Variants in ERC2 observed in about 807,000 individuals in gnomAD.
ERC2 encodes ERC protein 2.
Under a neutral mutation model 114.8 loss-of-function variants are expected in ERC2, and 42 were observed. The observed-to-expected ratio is 0.37, with a 90% CI of 0.29 to 0.47. The LOEUF (loss-of-function observed/expected upper bound fraction) is 0.47, where lower values mean the gene tolerates loss of function less well. Among genes scored for constraint, ERC2 ranks in the 20% least tolerant of loss-of-function variants. The pLI, the probability that ERC2 is intolerant of heterozygous loss-of-function variation, is 0.99. For synonymous variants in ERC2, 454 were observed against 425.5 expected (o/e 1.07, Z -0.82); for missense variants, 939 against 1,150.7 (o/e 0.82, Z 2.66).
At chr3:55,966,435 C>G (rs1311939360) in intron 12 of ERC2, among the ~76,000 whole-genome samples, 2 of 152,200 alleles carry the variant, frequency 1.3e-5, no homozygotes, top group Non-Finnish European at 2.9e-5. Context: ...CCACTAGGAT[C>G]TCCAACTCAG....
Position 56,434,675 on chromosome 3 carries a change from G to A in ERC2, c.333C>T (p.His111=), listed in dbSNP as rs751175699. The A allele has an allele frequency of 1.2e-6, 2 of 1,613,994 alleles. No homozygotes were observed. Among genetic ancestry groups the A allele is most frequent in the South Asian group, 2.2e-5 (2 of 91,088 alleles). ...GATCTGTGTATGAAAGGACATCTGT[G>A]TGGGAAAGTCCAGCAGAAGCAATAT... ...SPNIASAGLS[H]TDVLSYTDQH... The change falls in exon 2 of 18, where the codon CAC becomes CAT. Residue 111 remains histidine (H), a synonymous_variant. Transcript: ENST00000288221.
chr3:56,170,613 T>TTTTTAGGTAGTGTC (rs2082606749), intron 4 of ERC2, among the ~76,000 whole-genome samples: 1 of 149,488 alleles, frequency 6.7e-6, no homozygotes, highest in African/African-American at 2.5e-5. Flanking sequence ...TTTTTTTTTT[T>TTTTTAGGTAGTGTC]TGAGGTAGTG....
chr3:56,274,328 A>G (rs1389339259), intron 3 of ERC2, among the ~76,000 whole-genome samples: 1 of 152,136 alleles, frequency 6.6e-6, no homozygotes, highest in African/African-American at 2.4e-5. Context: ...TTGTGGAAAA[A>G]TTGTCCTCCA....
chr3:56,007,625 T>C (rs1387938888), intron 9 of ERC2, among the ~76,000 whole-genome samples: 1 of 152,064 alleles, frequency 6.6e-6, no homozygotes, highest in Non-Finnish European at 1.5e-5. Flanking sequence ...TTACATGTCA[T>C]AGCAAAACAG....
intron 2 of ERC2, among the ~76,000 whole-genome samples, chr3:56,414,471 C>CCCGCA (rs1478394973): frequency 1.3e-5 from 2 of 152,038 alleles, no homozygotes; most frequent in African/African-American, 4.8e-5. Flanking sequence ...ACCTGTAATC[C>CCCGCA]CCGCACTTTG....
At chr3:56,094,556 A>G (rs983384226) in intron 6 of ERC2, among the ~76,000 whole-genome samples, 3 of 152,190 alleles carry the variant, frequency 2.0e-5, no homozygotes, top group Non-Finnish European at 2.9e-5. Context: ...ATCTTTTGAT[A>G]AAAAAATAAA....
intron 14 of ERC2, among the ~76,000 whole-genome samples, chr3:55,798,675 C>G (rs545932864): frequency 6.6e-6 from 1 of 151,206 alleles, no homozygotes; most frequent in Non-Finnish European, 1.5e-5. Flanking sequence ...AAGTTTTCCA[C>G]AGCAACAGTG....
intron 3 of ERC2, among the ~76,000 whole-genome samples, chr3:56,215,228 G>A (rs182749189): frequency 4.7e-4 from 71 of 152,210 alleles, no homozygotes; most frequent in Non-Finnish European, 7.8e-4. Context: ...ACCCATCAGC[G>A]TGCTGTATTC....
chr3:56,273,814 T>C (rs2053818487), intron 3 of ERC2, among the ~76,000 whole-genome samples: 1 of 152,156 alleles, frequency 6.6e-6, no homozygotes, highest in African/African-American at 2.4e-5. Context: ...TGTACTGATT[T>C]TGTTAGATAA....
At chr3:55,891,710 G>T (rs2149326320) in intron 13 of ERC2, among the ~76,000 whole-genome samples, 1 of 152,204 alleles carries the variant, frequency 6.6e-6, no homozygotes, top group East Asian at 1.9e-4. Context: ...CTCCCAAAGT[G>T]CTGGGATTAC....
chr3:56,155,274 T>G (rs370881981), intron 4 of ERC2, among the ~76,000 whole-genome samples: 22 of 151,186 alleles, frequency 1.5e-4, no homozygotes, highest in African/African-American at 4.9e-4. Flanking sequence ...AACTTTTAAC[T>G]CTAGGAAGGC....
intron 17 of ERC2, among the ~76,000 whole-genome samples, chr3:55,597,517 G>A (rs953143198): frequency 1.2e-4 from 18 of 151,824 alleles, no homozygotes; most frequent in Admixed American, 1.2e-3. Flanking sequence ...TCTGAGGCTT[G>A]TCTTGGTGTT....
chr3:56,292,423 CA>C (rs796877268), intron 3 of ERC2, among the ~76,000 whole-genome samples: 11,275 of 77,018 alleles, frequency 0.15, 937 homozygotes, highest in African/African-American at 0.32. Flanking sequence ...ACCAAAAATA[CA>C]AAAAAAAAAA....
Position 55,945,714 on chromosome 3 carries a change from T to A in ERC2, c.2403+4711A>T, listed in dbSNP as rs185369075. On this transcript the variant is annotated intron_variant, in intron 13 of 17. Transcript: ENST00000288221. Reference sequence around the variant, plus strand: ...AAATTGCCTTTCTAGCTTTTTTTTTTAGAATTCTATTAAAAGGACAAGAAT... The same window carrying A: ...AAATTGCCTTTCTAGCTTTTTTTTTAAGAATTCTATTAAAAGGACAAGAAT... 7.2e-3 allele frequency among the ~76,000 whole-genome samples: 1,097 copies of A among 152,254 alleles called. 15 individuals carry two copies. Among genetic ancestry groups the A allele is most frequent in the African/African-American group, 0.025 (1,034 of 41,568 alleles).
chr3:56,290,522 G>A (rs1229878872), intron 3 of ERC2, among the ~76,000 whole-genome samples: 1 of 152,220 alleles, frequency 6.6e-6, no homozygotes, highest in Non-Finnish European at 1.5e-5. Context: ...TTTGTTGGTA[G>A]AAATAGAATG....
intron 12 of ERC2, among the ~76,000 whole-genome samples, chr3:55,983,428 C>A (rs1017848395): frequency 2.0e-5 from 3 of 152,194 alleles, no homozygotes; most frequent in Non-Finnish European, 2.9e-5. Context: ...CAGCTTCCCA[C>A]CTGTTTGTGT....
intron 13 of ERC2, among the ~76,000 whole-genome samples, chr3:55,923,257 C>T (rs772419669): frequency 1.3e-5 from 2 of 152,130 alleles, no homozygotes; most frequent in African/African-American, 2.4e-5. Flanking sequence ...CTGAAGACAT[C>T]GAGTTAAGTG....
intron 14 of ERC2, among the ~76,000 whole-genome samples, chr3:55,816,992 C>T (rs9854025): frequency 0.27 from 41,650 of 152,030 alleles, 6,955 homozygotes; most frequent in African/African-American, 0.46. Context: ...AGAATATTCA[C>T]ATCAGAGGCT....
intron 17 of ERC2, among the ~76,000 whole-genome samples, chr3:55,591,040 G>A (rs2057851482): frequency 1.3e-5 from 2 of 152,036 alleles, no homozygotes; most frequent in African/African-American, 4.8e-5. Context: ...CGTTGGCCAG[G>A]CTGGTCTCGA....
Sources: allele counts gnomAD v4.1 joint callset (sites outside exome capture counted in the v4.1 genomes callset), GRCh38; gene constraint gnomAD v4.1.1; transcripts MANE v1.5; gene names NCBI Gene and HGNC (gene_info 2026-07-23, HGNC 2026-07-21).